ADGRB3: variants seen among roughly 807,000 people sequenced by gnomAD.
ADGRB3 encodes brain-specific angiogenesis inhibitor 3.
ADGRB3 carries 37 observed loss-of-function variants against 193.4 expected under a neutral mutation model. The observed-to-expected ratio is 0.19, with a 90% CI of 0.15 to 0.25. The LOEUF is 0.25. ADGRB3 is among the 10% of genes least tolerant of loss of function. ADGRB3 has a pLI of 1.00. For missense variants in ADGRB3, 1,637 were observed against 1,852.9 expected, an observed-to-expected ratio of 0.88 and a Z score of 2.14; for synonymous variants, 690 against 644.2, an observed-to-expected ratio of 1.07 and a Z score of -1.08.
intron 3 of ADGRB3, among the ~76,000 whole-genome samples, chr6:68,744,235 C>G (rs532812535): frequency 6.5e-4 from 99 of 151,550 alleles, no homozygotes; most frequent in Non-Finnish European, 1.1e-3. Flanking sequence ...ATAAATATAT[C>G]AAATAAAAAA....
intron 3 of ADGRB3, among the ~76,000 whole-genome samples, chr6:68,819,137 T>G (rs1400325082): frequency 3.3e-5 from 5 of 152,046 alleles, no homozygotes; most frequent in African/African-American, 1.2e-4. Context: ...AGCAATGATA[T>G]GCACCTATCC....
intron 13 of ADGRB3, among the ~76,000 whole-genome samples, chr6:69,025,510 A>G (rs2150290473): frequency 6.7e-6 from 1 of 150,306 alleles, no homozygotes; most frequent in Non-Finnish European, 1.5e-5. Flanking sequence ...CGCCTGAAAA[A>G]TACACAATTT....
chr6:68,666,243 G>A (rs1350139911), intron 3 of ADGRB3, among the ~76,000 whole-genome samples: 1 of 151,884 alleles, frequency 6.6e-6, no homozygotes, highest in African/African-American at 2.4e-5. Flanking sequence ...GGTGTCACTA[G>A]TTCCTTCAGT....
intron 3 of ADGRB3, among the ~76,000 whole-genome samples, chr6:68,757,521 C>A (rs529894624): frequency 1.9e-4 from 29 of 151,940 alleles, no homozygotes; most frequent in Non-Finnish European, 2.9e-4. Context: ...CTTTACCTTC[C>A]GTTTTTATTT....
intron 3 of ADGRB3, among the ~76,000 whole-genome samples, chr6:68,874,097 T>G (rs1364054050): frequency 6.6e-6 from 1 of 152,114 alleles, no homozygotes; most frequent in East Asian, 1.9e-4. Context: ...TTTTAGGAAT[T>G]TTTATGATAT....
At chr6:69,297,394 C>CTA (rs1280706218) in intron 20 of ADGRB3, among the ~76,000 whole-genome samples, 16 of 134,398 alleles carry the variant, frequency 1.2e-4, no homozygotes, top group African/African-American at 3.9e-4. Context: ...CTCTCTCTAT[C>CTA]TCTCTCTCTC....
intron 8 of ADGRB3, among the ~76,000 whole-genome samples, chr6:68,963,058 C>T (rs1329041188): frequency 6.6e-6 from 1 of 152,262 alleles, no homozygotes; most frequent in Admixed American, 6.5e-5. Context: ...AGTGATTCCT[C>T]ATTCTAGCAA....
intron 20 of ADGRB3, among the ~76,000 whole-genome samples, chr6:69,267,870 A>AT (rs1282546298): frequency 6.6e-6 from 1 of 152,146 alleles, no homozygotes; most frequent in Admixed American, 6.6e-5. Flanking sequence ...GAGCAAAAGC[A>AT]TCAGATTTCC....
chr6:68,683,796 G>A (rs1687816440), intron 3 of ADGRB3, among the ~76,000 whole-genome samples: 2 of 152,016 alleles, frequency 1.3e-5, no homozygotes, highest in African/African-American at 4.8e-5. Context: ...TACCTTTACG[G>A]CAGTGTCCCT....
At chr6:69,285,085 C>T (rs1767520133) in intron 20 of ADGRB3, among the ~76,000 whole-genome samples, 1 of 152,138 alleles carries the variant, frequency 6.6e-6, no homozygotes, top group African/African-American at 2.4e-5. Context: ...ATATCGGTTC[C>T]TACTTCAGGT....
At chr6:69,234,244 C>T (rs902915008) in intron 18 of ADGRB3, among the ~76,000 whole-genome samples, 15 of 152,148 alleles carry the variant, frequency 9.9e-5, no homozygotes, top group African/African-American at 2.6e-4. Context: ...AATGTGAAAA[C>T]CAACAAATTT....
chr6:69,388,773 C>T lies in ADGRB3; in HGVS notation c.4451C>T (p.Thr1484Ile), dbSNP rs1482661393. 1.4e-5 allele frequency: 22 copies of T among 1,613,526 alleles called. No individual in the cohort carries two copies. The highest frequency in any genetic ancestry group is 1.9e-5 in the Non-Finnish European group (22 of 1,179,662). Residue 1484 changes from threonine (T) to isoleucine (I), a missense_variant, in exon 32 of 32, where the codon ACA becomes ATA. Coordinates refer to ENST00000370598, the MANE Select transcript of ADGRB3 (RefSeq NM_001704.3). The part of the protein sequence containing the change: ...KNPSEYPHYT[T>I]INVLDTEAKD... ...CCCAGTGAATACCCGCATTACACCA[C>T]AATCAATGTCTTAGACACAGAGGCA...
intron 3 of ADGRB3, among the ~76,000 whole-genome samples, chr6:68,843,680 T>C (rs1044972909): frequency 1.3e-5 from 2 of 151,696 alleles, no homozygotes; most frequent in Non-Finnish European, 2.9e-5. Context: ...AATCCTAAAA[T>C]GTGTATGGAA....
At chr6:69,283,307 G>A (rs1299416069) in intron 20 of ADGRB3, among the ~76,000 whole-genome samples, 1 of 152,160 alleles carries the variant, frequency 6.6e-6, no homozygotes, top group Non-Finnish European at 1.5e-5. Context: ...ATATGCCCAT[G>A]ATACCCCAGA....
rs572246040 is a variant in ADGRB3 at position 68,838,331 on chromosome 6, T to C, written c.758-92228T>C. Among the ~76,000 whole-genome samples the C allele has an allele frequency of 2.0e-5, 3 of 152,318 alleles. No individual in the cohort carries two copies. The East Asian group carries it at 5.8e-4, about 29-fold the overall frequency. On this transcript the variant is annotated intron_variant, in intron 3 of 31. Transcript: ENST00000370598. ...CTCCCTTTGTAGCTCATTTATAAACTGTAAAACTCGCAGTAATATAGCTCC... is the reference window on the plus strand; with the variant it reads ...CTCCCTTTGTAGCTCATTTATAAACCGTAAAACTCGCAGTAATATAGCTCC...
intron 3 of ADGRB3, among the ~76,000 whole-genome samples, chr6:68,734,830 T>C (rs1247164268): frequency 6.6e-6 from 1 of 152,056 alleles, no homozygotes; most frequent in African/African-American, 2.4e-5. Flanking sequence ...CATTCAGATG[T>C]GACAATTAAA....
At chr6:69,035,265 G>T (rs1361248231) in intron 13 of ADGRB3, among the ~76,000 whole-genome samples, 20 of 152,000 alleles carry the variant, frequency 1.3e-4, no homozygotes, top group Admixed American at 9.8e-4. Context: ...TGCTGCTATT[G>T]CCCCTTTTCT....
chr6:68,764,245 G>C (rs1389702418), intron 3 of ADGRB3, among the ~76,000 whole-genome samples: 2 of 152,142 alleles, frequency 1.3e-5, no homozygotes, highest in African/African-American at 4.8e-5. Flanking sequence ...GGAAATGCCA[G>C]AGTTTTGGAG....
chr6:69,130,410 A>G (rs1304923054), intron 17 of ADGRB3, among the ~76,000 whole-genome samples: 1 of 151,596 alleles, frequency 6.6e-6, no homozygotes, highest in Non-Finnish European at 1.5e-5. Flanking sequence ...AGTTCTGAAC[A>G]CATTTTCACC....
Sources: gnomAD v4.1 joint callset for allele counts (sites outside exome capture counted in the v4.1 genomes callset) on GRCh38, gnomAD v4.1.1 for gene constraint, MANE v1.5 for transcripts, NCBI Gene and HGNC (gene_info 2026-07-23, HGNC 2026-07-21) for gene names.